The following SLCO1A2 variants were observed in gnomAD, a reference collection of about 807,000 sequenced individuals.
SLCO1A2 encodes solute carrier organic anion transporter family member 1A2.
SLCO1A2 carries 67 observed loss-of-function variants against 69.0 expected under a neutral mutation model. The ratio of observed to expected loss-of-function variants is 0.97; its 90% CI spans 0.80 to 1.19. SLCO1A2 has a LOEUF of 1.19. SLCO1A2 is among the 50% of genes most tolerant of loss of function. SLCO1A2 has a pLI of 0.00. For missense variants in SLCO1A2, 787 were observed against 793.7 expected, an observed-to-expected ratio of 0.99 and a Z score of 0.10; for synonymous variants, 260 against 265.9, an observed-to-expected ratio of 0.98 and a Z score of 0.22.
chr12:21,407,245 C>T (rs1941836003), intron 1 of SLCO1A2, among the ~76,000 whole-genome samples: 1 of 151,966 alleles, frequency 6.6e-6, no homozygotes, highest in African/African-American at 2.4e-5. Context: ...GCCCTTCAAG[C>T]GTGGGGATCA....
chr12:21,302,178 C>CT (rs1457606718), intron 6 of SLCO1A2, among the ~76,000 whole-genome samples: 4 of 152,120 alleles, frequency 2.6e-5, no homozygotes, highest in Non-Finnish European at 4.4e-5. Flanking sequence ...ACTATACTCT[C>CT]TGCCTCTACT....
At chr12:21,269,793 T>A in intron 14 of SLCO1A2, 26 bp from the exon 15 acceptor site, 1 of 1,567,948 alleles carries the variant, frequency 6.4e-7, no homozygotes, top group Non-Finnish European at 8.7e-7. Flanking sequence ...TTAAAACATA[T>A]TAAATATTAC....
Position 21,314,681 on chromosome 12 carries a change from C to A in SLCO1A2, c.203G>T (p.Gly68Val). 1 of 1,594,290 alleles carries A rather than the reference C, an allele frequency of 6.3e-7. No homozygotes were observed. The highest frequency in any genetic ancestry group is 1.1e-5 in the South Asian group (1 of 89,760). The change falls in exon 4 of 15, where the codon GGA becomes GTA. Residue 68 changes from glycine to valine, a missense_variant and splice_region_variant. Coordinates refer to ENST00000683939, the MANE Select transcript of SLCO1A2 (RefSeq NM_001386879.1). Reference sequence around the variant, plus strand: ...CACAAATATAATCAACAAAAGATTTCCTAGGAAAAAATTGAGAATAATCAT... The same window carrying A: ...CACAAATATAATCAACAAAAGATTTACTAGGAAAAAATTGAGAATAATCAT... Reference protein sequence around the residue: ...VGFINGSFEIGNLLLIIFVSY... With the variant: ...VGFINGSFEIVNLLLIIFVSY...
intron 2 of SLCO1A2, among the ~76,000 whole-genome samples, chr12:21,356,507 G>A (rs1938374637): frequency 6.7e-6 from 1 of 149,336 alleles, no homozygotes; most frequent in Admixed American, 6.7e-5. Flanking sequence ...GAGAGAAAAA[G>A]GAAGGAGAGA....
At chr12:21,400,470 G>T (rs1193055243) in intron 1 of SLCO1A2, among the ~76,000 whole-genome samples, 2 of 151,248 alleles carry the variant, frequency 1.3e-5, no homozygotes, top group Non-Finnish European at 3.0e-5. Context: ...TCAGTGTGGC[G>T]ATTCCTCAGG....
At chr12:21,316,295 C>T (rs1468109227) in intron 3 of SLCO1A2, among the ~76,000 whole-genome samples, 7 of 152,170 alleles carry the variant, frequency 4.6e-5, no homozygotes, top group Admixed American at 3.9e-4. Context: ...AAGCCTCTCT[C>T]TCTCAACTAG....
intron 2 of SLCO1A2, among the ~76,000 whole-genome samples, chr12:21,329,290 A>C (rs958706164): frequency 4.6e-5 from 7 of 152,088 alleles, no homozygotes; most frequent in African/African-American, 1.4e-4. Context: ...CCCTTCCCAC[A>C]TATTGACTAT....
chr12:21,398,323 G>A (rs1320589233), upstream of SLCO1A2, among the ~76,000 whole-genome samples: 1 of 149,692 alleles, frequency 6.7e-6, no homozygotes, highest in African/African-American at 2.4e-5. Context: ...GACTAAACAA[G>A]GAAGAAGTTG....
intron 2 of SLCO1A2, among the ~76,000 whole-genome samples, chr12:21,324,998 C>A (rs1401376759): frequency 6.6e-6 from 1 of 152,190 alleles, no homozygotes; most frequent in Non-Finnish European, 1.5e-5. Flanking sequence ...AGTTAACATT[C>A]CATAACAAGG....
In SLCO1A2 at chr12:21,383,688, C is replaced by T. The variant is rs187019057; in HGVS notation, c.-189-9163G>A. On this transcript the variant is annotated intron_variant, in intron 1 of 15. Transcript: ENST00000307378. ...TCAGTCACTGAACATGTTTAGTGAG[C>T]TTATTTTTATATTTGATATGATATT... 1.8e-4 allele frequency among the ~76,000 whole-genome samples: 27 copies of T among 152,108 alleles called. No homozygotes were observed. In the East Asian group the frequency reaches 5.0e-3, roughly 28 times the overall value.
intron 2 of SLCO1A2, among the ~76,000 whole-genome samples, chr12:21,332,341 T>A (rs1952668784): frequency 6.6e-6 from 1 of 152,076 alleles, no homozygotes; most frequent in Admixed American, 6.6e-5. Context: ...TAATAAAAAA[T>A]TATTTCCTGT....
At chr12:21,368,922 TTAATAAATCAAGAG>T (rs1223161882) in intron 2 of SLCO1A2, among the ~76,000 whole-genome samples, 2 of 152,102 alleles carry the variant, frequency 1.3e-5, no homozygotes, top group Non-Finnish European at 2.9e-5. Flanking sequence ...AAATGTAAAT[TTAATAAATCAAGAG>T]TGTCCAGAGA....
At chr12:21,359,794 TA>T (rs1938679499) in intron 2 of SLCO1A2, among the ~76,000 whole-genome samples, 1 of 151,892 alleles carries the variant, frequency 6.6e-6, no homozygotes, top group South Asian at 2.1e-4. Flanking sequence ...CTTACATACT[TA>T]AACAAGAGAA....
chr12:21,323,897 C>T (rs939274399), intron 2 of SLCO1A2, among the ~76,000 whole-genome samples: 2 of 152,134 alleles, frequency 1.3e-5, no homozygotes, highest in Non-Finnish European at 2.9e-5. Context: ...ACCTCTTCCA[C>T]AACAGTCCTT....
intron 14 of SLCO1A2, among the ~76,000 whole-genome samples, chr12:21,270,176 C>T (rs750790837): frequency 3.3e-5 from 5 of 151,716 alleles, no homozygotes; most frequent in Non-Finnish European, 7.4e-5. Context: ...TGACCTTGAT[C>T]AGATTAAGGA....
chr12:21,319,975 A>G (rs1278131807), intron 2 of SLCO1A2, among the ~76,000 whole-genome samples: 2 of 152,214 alleles, frequency 1.3e-5, no homozygotes, highest in African/African-American at 4.8e-5. Context: ...AGGTAGATTA[A>G]TTACTGCTTC....
intron 1 of SLCO1A2, among the ~76,000 whole-genome samples, chr12:21,400,536 C>G (rs1174117778): frequency 6.6e-6 from 1 of 151,538 alleles, no homozygotes. Context: ...GGTATATACC[C>G]AAACGACTAT....
At chr12:21,396,614 G>C (rs1306304370), upstream of SLCO1A2, among the ~76,000 whole-genome samples, 1 of 151,978 alleles carries the variant, frequency 6.6e-6, no homozygotes, top group Admixed American at 6.6e-5. Context: ...GTTAAGGGCA[G>C]CCAGAGAGAA....
At chr12:21,318,556 AG>A (rs1951185544) in intron 3 of SLCO1A2, among the ~76,000 whole-genome samples, 2 of 152,224 alleles carry the variant, frequency 1.3e-5, no homozygotes, top group Admixed American at 1.3e-4. Flanking sequence ...TAGAATAAAA[AG>A]AACAATGGTA....
Sources: allele counts gnomAD v4.1 joint callset (sites outside exome capture counted in the v4.1 genomes callset), GRCh38; gene constraint gnomAD v4.1.1; transcripts MANE v1.5; gene names NCBI Gene and HGNC (gene_info 2026-07-23, HGNC 2026-07-21).